Variants in MYO15B observed in about 807,000 individuals in gnomAD.
MYO15B encodes the protein myosin XVB pseudogene.
Under a neutral mutation model 119.3 loss-of-function variants are expected in MYO15B, and 207 were observed. The ratio of observed to expected loss-of-function variants is 1.73; its 90% CI spans 1.55 to 1.95. The LOEUF (loss-of-function observed/expected upper bound fraction) is 1.95, where lower values mean the gene tolerates loss of function less well. MYO15B is among the 30% of genes most tolerant of loss of function. The pLI is 0.00. For synonymous variants in MYO15B, 966 were observed against 498.9 expected, an observed-to-expected ratio of 1.94 and a Z score of -12.48; for missense variants, 2,264 against 1,203.1, an observed-to-expected ratio of 1.88 and a Z score of -13.04.
chr17:75,614,592 C>T (rs1369634659), exon 31 of MYO15B: 4 of 700,892 alleles, frequency 5.7e-6, no homozygotes, highest in African/African-American at 3.5e-5. Flanking sequence ...GAGCCGAGGC[C>T]ATTCCCCTTG....
At chr17:75,588,324 G>A (rs1019569821) in exon 1 of MYO15B, 3 of 398,368 alleles carry the variant, frequency 7.5e-6, no homozygotes, top group African/African-American at 6.2e-5. Flanking sequence ...CGAAAGCCCA[G>A]GAGAGGCAAA....
chr17:75,588,620 A>C (rs1466367102), exon 1 of MYO15B: 2 of 399,902 alleles, frequency 5.0e-6, no homozygotes, highest in Non-Finnish European at 8.9e-6. Context: ...GAGCCTACGG[A>C]CATGGGCTCG....
chr17:75,617,151 C>A, exon 41 of MYO15B: 1 of 687,358 alleles, frequency 1.5e-6, no homozygotes, highest in Non-Finnish European at 2.7e-6. Context: ...GGCCCCGCTA[C>A]AGCTTGGGCC....
exon 50 of MYO15B, chr17:75,621,031 C>T (rs1043087572): frequency 1.1e-5 from 8 of 702,732 alleles, no homozygotes; most frequent in Admixed American, 6.0e-5. Context: ...GTGATCCCAG[C>T]GCCCTGCCCA....
chr17:75,593,734 A>G (rs820252), intron 9 of MYO15B, among the ~76,000 whole-genome samples: 92,234 of 151,506 alleles, frequency 0.61, 29,581 homozygotes, highest in East Asian at 0.77. Flanking sequence ...AGCCTGACCA[A>G]TATGGTGAAA....
rs1661696 is a variant in MYO15B, at chr17:75,603,330, G to A, written c.4016+18G>A. The stretch of plus-strand genomic sequence containing the variant: ...CTGGCCAGGTGGGGCCCAGCACCTC[G>A]GGGCAGGACTGACAAGGAGGCCACC... On this transcript the variant is annotated intron_variant, in intron 19 of 63. Transcript: ENST00000645453. 0.023 allele frequency: 16,070 copies of A among 702,604 alleles called. 237 individuals are homozygous for A. The highest frequency in any genetic ancestry group is 0.047 in the Middle Eastern group (204 of 4,364). 43.5% of individuals were successfully genotyped at this position (702,604 alleles called of 1,614,324 possible).
At chr17:75,624,504 GCCTC>G in intron 57 of MYO15B, 35 bp from the exon 58 acceptor site, 1 of 703,058 alleles carries the variant, frequency 1.4e-6, no homozygotes, top group Non-Finnish European at 2.6e-6. Flanking sequence ...GGGTCCCCCA[GCCTC>G]CCTCCCCCTC....
exon 41 of MYO15B, chr17:75,617,254 C>T: frequency 1.4e-6 from 1 of 690,296 alleles, no homozygotes; most frequent in South Asian, 1.5e-5. Context: ...CCACCAGCGC[C>T]ACCACTGCCT....
chr17:75,591,540 G>T, intron 4 of MYO15B, 61 bp from the exon 5 acceptor site: 1 of 700,094 alleles, frequency 1.4e-6, no homozygotes. Context: ...CACTTCCTGG[G>T]TTCACTGGGG....
chr17:75,614,106 C>A, intron 29 of MYO15B, 93 bp from the exon 30 acceptor site: 1 of 651,692 alleles, frequency 1.5e-6, no homozygotes, highest in South Asian at 1.7e-5. Flanking sequence ...GCCACCCTCC[C>A]TTCCTCAGCC....
chr17:75,620,617 G>T (rs754869186), exon 49 of MYO15B: 6 of 701,752 alleles, frequency 8.6e-6, no homozygotes, highest in South Asian at 1.5e-5. Context: ...GGGCTGGCTC[G>T]GTGGGACAGG....
exon 62 of MYO15B, chr17:75,625,928 T>A: frequency 2.8e-6 from 2 of 702,622 alleles, no homozygotes; most frequent in East Asian, 5.4e-5. Flanking sequence ...GGACCCACTC[T>A]CCTGGGGCTC....
chr17:75,598,995 T>C (rs2057067523), intron 14 of MYO15B, among the ~76,000 whole-genome samples: 1 of 152,340 alleles, frequency 6.6e-6, no homozygotes, highest in South Asian at 2.1e-4. Context: ...AGTTCCCCCA[T>C]GCACTTGCTA....
chr17:75,589,307 A>G lies in MYO15B; in HGVS notation c.1250A>G (p.His417Arg), dbSNP rs1163033724. ...CGGAAACCGGACGAGGGGCGGGGTCATGGGAGAGGAAGCAAGGGGCGGGGC... is the reference window on the plus strand; with the variant it reads ...CGGAAACCGGACGAGGGGCGGGGTCGTGGGAGAGGAAGCAAGGGGCGGGGC... Residue 417 changes from histidine to arginine, a missense_variant, in exon 1 of 64, where the codon CAT (histidine) becomes CGT (arginine). His to Arg is a conservative substitution (Grantham distance 29). Coordinates refer to ENST00000645453, the Ensembl canonical transcript of MYO15B. This position sits in a 1 kb window ranked among gnomAD's most constrained non-coding sequence, Gnocchi z 4.2. The G allele has an allele frequency of 2.7e-6, 1 of 372,450 alleles. No individual in the cohort carries two copies. The allele number at this position is 372,450 out of a possible 1,614,324, so 23.1% of individuals were successfully genotyped here. A position where few individuals can be genotyped will look rare whatever the true frequency, so the allele number is the denominator to read the frequency against.
rs1295083491 is a variant in MYO15B, at chr17:75,612,782, C to T, written c.4636-16C>T. 1.0e-5 allele frequency: 7 copies of T among 703,018 alleles called. No individual in the cohort carries two copies. The highest frequency in any genetic ancestry group is 1.7e-5 in the African/African-American group (1 of 57,404). The allele number at this position is 703,018 out of a possible 1,614,324, so 43.5% of individuals were successfully genotyped here. Reference sequence around the variant, plus strand: ...ATAGCTGGTGAGCATGGACTGAGCCCTCTCCTTCCTTGCAGGAACCGTCCC... The same window carrying T: ...ATAGCTGGTGAGCATGGACTGAGCCTTCTCCTTCCTTGCAGGAACCGTCCC... On this transcript the variant is annotated splice_polypyrimidine_tract_variant and intron_variant, in intron 25 of 63. Transcript: ENST00000645453.
chr17:75,614,021 G>A, intron 29 of MYO15B, 178 bp from the exon 30 acceptor site: 2 of 600,554 alleles, frequency 3.3e-6, no homozygotes, highest in East Asian at 2.8e-5. Context: ...TTGTGGAAGT[G>A]GAGGGCCGTG....
At chr17:75,588,121 G>A in exon 1 of MYO15B, 1 of 398,272 alleles carries the variant, frequency 2.5e-6, no homozygotes, top group Non-Finnish European at 4.4e-6. Flanking sequence ...GGCCTCAGGG[G>A]AGCAGGAGTC....
chr17:75,617,195 T>TCTGGA lies in MYO15B; in HGVS notation c.6707_6711dup (p.Leu2238TrpfsTer38), dbSNP rs2148048909. ...CCATCAAGGAAAAGCAGGGGCCCCT[T>TCTGGA]CTGGACCTGTTTGGCCAGAAGCTGC... On this transcript the variant is annotated frameshift_variant, in exon 41 of 64. Transcript: ENST00000645453. LOFTEE classifies it high-confidence loss of function. 1.4e-6 allele frequency: 1 copy of TCTGGA among 697,630 alleles called. No individual in the cohort carries two copies. Among genetic ancestry groups the TCTGGA allele is most frequent in the Non-Finnish European group, 2.6e-6 (1 of 382,206 alleles). The allele number at this position is 697,630 out of a possible 1,614,324, so 43.2% of individuals were successfully genotyped here.
At chr17:75,621,870 CCCTGGCTGG>C in intron 52 of MYO15B, 125 bp from the exon 53 acceptor site, 1 of 629,172 alleles carries the variant, frequency 1.6e-6, no homozygotes, top group South Asian at 1.8e-5. Flanking sequence ...CAACCAGCTG[CCCTGGCTGG>C]CATCTATGCA....
Sources: allele counts gnomAD v4.1 joint callset (sites outside exome capture counted in the v4.1 genomes callset), GRCh38; gene constraint gnomAD v4.1.1; non-coding constraint Gnocchi (gnomAD v3.1); transcripts MANE v1.5; gene names NCBI Gene and HGNC (gene_info 2026-07-23, HGNC 2026-07-21).